PARD3B: variants seen among roughly 807,000 people sequenced by gnomAD.
PARD3B encodes the protein partitioning defective 3 homolog B.
A neutral mutation model predicts 130.2 loss-of-function variants in PARD3B; 103 were observed. The observed-to-expected ratio is 0.79, with a 90% CI of 0.67 to 0.93. PARD3B has a LOEUF of 0.93. Among genes scored for constraint, PARD3B ranks in the 40% least tolerant of loss-of-function variants. The pLI, the probability that PARD3B is intolerant of heterozygous loss-of-function variation, is 0.00. For synonymous variants in PARD3B, 583 were observed against 553.2 expected (o/e 1.05, Z -0.76); for missense variants, 1,609 against 1,499.2 (o/e 1.07, Z -1.21).
Position 205,615,481 on chromosome 2 carries a change from T to C in PARD3B, c.3286T>C (p.Tyr1096His), listed in dbSNP as rs1484451938. ...PRGGPADPVD[Y>H]LPAAPRGLYK... Reference sequence around the variant, plus strand: ...GGGAGGACCCGCAGATCCTGTAGACTATCTGCCAGCAGCACCTCGGGGGCT... The same window carrying C: ...GGGAGGACCCGCAGATCCTGTAGACCATCTGCCAGCAGCACCTCGGGGGCT... Residue 1096 changes from tyrosine to histidine, a missense_variant, in exon 23 of 23, where the codon TAT (tyrosine) becomes CAT (histidine). By Grantham distance (83) the Tyr-to-His change is moderately conservative. Coordinates refer to ENST00000406610, the MANE Select transcript of PARD3B (RefSeq NM_001302769.2). 4 of 1,610,344 alleles carry C rather than the reference T, an allele frequency of 2.5e-6. No homozygotes were observed. Among genetic ancestry groups the C allele is most frequent in the Non-Finnish European group, 3.4e-6 (4 of 1,177,982 alleles).
intron 2 of PARD3B, among the ~76,000 whole-genome samples, chr2:204,720,190 G>T (rs1289553541): frequency 6.6e-6 from 1 of 152,162 alleles, no homozygotes; most frequent in African/African-American, 2.4e-5. Flanking sequence ...AATACTGCGA[G>T]CCAGCAGAAA....
Position 204,943,014 on chromosome 2 carries a change from C to T in PARD3B, c.223-22138C>T, listed in dbSNP as rs1301368717. Among the ~76,000 whole-genome samples, 1 of 151,022 alleles carries T rather than the reference C, an allele frequency of 6.6e-6. No individual in the cohort carries two copies. The highest frequency in any genetic ancestry group is 3.2e-3 in the Middle Eastern group (1 of 316). ...ACCTCCAGAACCAGGCTGCACATGTCCCCCTGAAAAATAAAAATTAAAAAA... is the reference window on the plus strand; with the variant it reads ...ACCTCCAGAACCAGGCTGCACATGTTCCCCTGAAAAATAAAAATTAAAAAA... On this transcript the variant is annotated intron_variant, in intron 2 of 22. Coordinates refer to ENST00000406610, the MANE Select transcript of PARD3B (RefSeq NM_001302769.2). The surrounding 1 kb of genome is among the most constrained non-coding windows in gnomAD (Gnocchi z 4.2).
chr2:205,349,800 C>CTCTT lies in PARD3B; in HGVS notation c.2630+48100_2630+48101insCTTT, dbSNP rs11451368. Among the ~76,000 whole-genome samples the CTCTT allele has an allele frequency of 1.1e-4, 11 of 102,238 alleles. No individual in the cohort carries two copies. The East Asian group carries it at 1.4e-3, about 13-fold the overall frequency. 67.1% of individuals were successfully genotyped at this position (102,238 alleles called of 152,430 possible). ...AGGAAATGTATCTTTTTCTTTTTCT[C>CTCTT]TTTTTTTTTTTTTTTTTTTTAAAAA... is the stretch of plus-strand genomic sequence containing the variant. On this transcript the variant is annotated intron_variant, in intron 18 of 22. Transcript: ENST00000406610.
chr2:205,250,108 CT>C (rs2039775688), intron 16 of PARD3B, among the ~76,000 whole-genome samples: 1 of 151,830 alleles, frequency 6.6e-6, no homozygotes, highest in African/African-American at 2.4e-5. Flanking sequence ...TAAAGTGTGT[CT>C]TTAAGAAGGA....
In PARD3B at chr2:205,617,552, T is replaced by A. The variant is rs967663037; in HGVS notation, c.*1739T>A. 1 of 152,226 alleles carries A rather than the reference T, an allele frequency of 6.6e-6. No individual in the cohort carries two copies. Among genetic ancestry groups the A allele is most frequent in the Non-Finnish European group, 1.5e-5 (1 of 68,052 alleles). The allele number at this position is 152,226 out of a possible 1,614,324, so 9.4% of individuals were successfully genotyped here. On this transcript the variant is annotated 3_prime_UTR_variant, in exon 23 of 23. Coordinates refer to ENST00000406610, the MANE Select transcript of PARD3B (RefSeq NM_001302769.2). ...TTTAGATGTAAATAGTGTTATTTAC[T>A]GGACTTTGTGATATTATTTTCTTAA...
intron 15 of PARD3B, among the ~76,000 whole-genome samples, chr2:205,231,510 T>TC (rs997862408): frequency 1.7e-4 from 26 of 151,240 alleles, no homozygotes; most frequent in Admixed American, 1.7e-3. Context: ...TATTTTTTTT[T>TC]TTTTTTTGTA....
chr2:204,730,275 G>A (rs944871024), intron 2 of PARD3B, among the ~76,000 whole-genome samples: 1 of 151,984 alleles, frequency 6.6e-6, no homozygotes. Context: ...TGCCATGTTG[G>A]CCAGGCTGGT....
Position 205,047,761 on chromosome 2 carries a change from GC to G in PARD3B, c.504+72del, listed in dbSNP as rs1698905073. ...GTACCCATAGGTTAAGTGGGACTTT[GC>G]AGTTTTAAACACATTGATAACTAGA... On this transcript the variant is annotated intron_variant, in intron 4 of 22. Coordinates refer to ENST00000406610, the MANE Select transcript of PARD3B (RefSeq NM_001302769.2). 7.8e-6 allele frequency: 9 copies of G among 1,152,306 alleles called. No homozygotes were observed. The South Asian group carries it at 1.3e-4, about 16-fold the overall frequency. 71.4% of individuals were successfully genotyped at this position (1,152,306 alleles called of 1,614,324 possible).
rs570341524 is a variant in PARD3B, at chr2:205,423,558, A to G, written c.2742-16812A>G. 2.6e-4 allele frequency among the ~76,000 whole-genome samples: 40 copies of G among 152,350 alleles called. No homozygotes were observed. The South Asian group carries it at 4.3e-3, about 17-fold the overall frequency. On this transcript the variant is annotated intron_variant, in intron 19 of 22. Transcript: ENST00000406610. ...TATGGTTTCTCCAGAACAAAGTCCC[A>G]TCTTAAGAAGCCAAAAATGGCAAGC...
chr2:205,098,107 C>G (rs185214689), intron 4 of PARD3B, among the ~76,000 whole-genome samples: 3 of 151,924 alleles, frequency 2.0e-5, no homozygotes, highest in Admixed American at 1.3e-4. Context: ...TGGAATTATG[C>G]CCAGAATTTT....
At chr2:204,968,329 T>C (rs1017318538) in intron 3 of PARD3B, among the ~76,000 whole-genome samples, 5 of 152,204 alleles carry the variant, frequency 3.3e-5, no homozygotes, top group African/African-American at 1.2e-4. Context: ...TATTTCTTTT[T>C]CCAACACAAG....
chr2:205,054,428 ATATATATATTT>A (rs1159377109), intron 4 of PARD3B, among the ~76,000 whole-genome samples: 64 of 31,818 alleles, frequency 2.0e-3, no homozygotes, highest in African/African-American at 6.9e-3. Flanking sequence ...ATATATATAT[ATATATATATTT>A]TTTTTTTTTT....
chr2:205,017,937 A>G (rs1036672777), intron 3 of PARD3B, among the ~76,000 whole-genome samples: 1 of 152,190 alleles, frequency 6.6e-6, no homozygotes, highest in Non-Finnish European at 1.5e-5. Context: ...CAGATAAGGA[A>G]CTAGAACTCT....
At chr2:204,732,031 A>G (rs1389582487) in intron 2 of PARD3B, among the ~76,000 whole-genome samples, 1 of 151,866 alleles carries the variant, frequency 6.6e-6, no homozygotes, top group Admixed American at 6.6e-5. Flanking sequence ...CTGTTTGTCT[A>G]CGAATTTAGC....
At chr2:204,981,095 A>G (rs1429740435) in intron 3 of PARD3B, among the ~76,000 whole-genome samples, 1 of 152,232 alleles carries the variant, frequency 6.6e-6, no homozygotes, top group African/African-American at 2.4e-5. Flanking sequence ...CTAAAATGAA[A>G]GAATACCAGC....
intron 6 of PARD3B, among the ~76,000 whole-genome samples, chr2:205,117,915 G>GTACACACACACACACACACACA (rs6147130): frequency 0.72 from 95,734 of 133,284 alleles, 31,199 homozygotes; most frequent in Admixed American, 0.79. Context: ...ATGTATGTGT[G>GTACACACACACACACACACACA]TACACACACA....
intron 2 of PARD3B, among the ~76,000 whole-genome samples, chr2:204,937,337 T>C (rs956435670): frequency 2.0e-5 from 3 of 152,210 alleles, no homozygotes; most frequent in African/African-American, 7.2e-5. Flanking sequence ...TTCAGCTTGG[T>C]CTGGGGATCC....
chr2:205,533,205 T>G (rs1296500198), intron 21 of PARD3B, among the ~76,000 whole-genome samples: 1 of 117,268 alleles, frequency 8.5e-6, no homozygotes, highest in African/African-American at 2.6e-5. Context: ...TTTATAAATT[T>G]TAATTTTTGT....
At chr2:204,982,442 C>G (rs935267128) in intron 3 of PARD3B, among the ~76,000 whole-genome samples, 2 of 152,192 alleles carry the variant, frequency 1.3e-5, no homozygotes, top group Non-Finnish European at 2.9e-5. Context: ...CTCCCCAGAT[C>G]CTCCCCAAGT....
Sources: gnomAD v4.1 joint callset for allele counts (sites outside exome capture counted in the v4.1 genomes callset) on GRCh38, gnomAD v4.1.1 for gene constraint, Gnocchi (gnomAD v3.1) non-coding constraint, MANE v1.5 for transcripts, NCBI Gene and HGNC (gene_info 2026-07-23, HGNC 2026-07-21) for gene names.